RGS22: variants seen among roughly 807,000 people sequenced by gnomAD.
The protein encoded by RGS22 is regulator of G protein signaling 22, also known as regulator of G-protein signaling 22.
A neutral mutation model predicts 172.9 loss-of-function variants in RGS22; 148 were observed. The ratio of observed to expected loss-of-function variants is 0.86; its 90% CI spans 0.75 to 0.98. The LOEUF (loss-of-function observed/expected upper bound fraction) is 0.98. RGS22 is among the 50% of genes least tolerant of loss of function. RGS22 has a pLI of 0.00. For missense variants in RGS22, 1,347 were observed against 1,440.8 expected, an observed-to-expected ratio of 0.93 and a Z score of 1.05; for synonymous variants, 458 against 480.2, an observed-to-expected ratio of 0.95 and a Z score of 0.60.
chr8:99,997,866 A>C (rs1814558903), intron 19 of RGS22, among the ~76,000 whole-genome samples: 1 of 152,234 alleles, frequency 6.6e-6, no homozygotes, highest in Admixed American at 6.5e-5. Context: ...CATTCCCAGG[A>C]GGCAGATCTT....
chr8:100,022,921 G>A (rs1441915611), intron 14 of RGS22, among the ~76,000 whole-genome samples: 1 of 151,832 alleles, frequency 6.6e-6, no homozygotes, highest in Non-Finnish European at 1.5e-5. Context: ...GTAGAGATAG[G>A]GTTTTGTTAT....
At chr8:100,058,174 A>AC (rs1809802352) in intron 9 of RGS22, among the ~76,000 whole-genome samples, 1 of 102,664 alleles carries the variant, frequency 9.7e-6, no homozygotes, top group Non-Finnish European at 2.3e-5. Context: ...GAGGAGACAA[A>AC]AAAAAAAAAA....
chr8:100,097,271 T>C (rs1342296586), intron 2 of RGS22, among the ~76,000 whole-genome samples: 2 of 152,186 alleles, frequency 1.3e-5, no homozygotes, highest in Admixed American at 1.3e-4. Context: ...TCAAAATTCA[T>C]CAAATTATCA....
At chr8:100,001,202 T>TTATATATATATATATATATA (rs140189906) in intron 18 of RGS22, among the ~76,000 whole-genome samples, 2 of 124,778 alleles carry the variant, frequency 1.6e-5, no homozygotes, top group African/African-American at 3.1e-5. Context: ...TCCCAATTTT[T>TTATATATATATATATATATA]TATATATATA....
At chr8:100,103,315 G>C (rs1185774773) in intron 2 of RGS22, among the ~76,000 whole-genome samples, 1 of 152,206 alleles carries the variant, frequency 6.6e-6, no homozygotes, top group Non-Finnish European at 1.5e-5. Flanking sequence ...CAGACCCAGG[G>C]TGGGGGCCTG....
intron 14 of RGS22, chr8:100,023,842 C>T (rs1346753308): frequency 6.6e-6 from 1 of 152,284 alleles, no homozygotes; most frequent in African/African-American, 2.4e-5. Flanking sequence ...ATTTATTACA[C>T]ATTCATTTCC....
At chr8:100,078,329 C>T (rs528073777) in intron 4 of RGS22, among the ~76,000 whole-genome samples, 3 of 151,792 alleles carry the variant, frequency 2.0e-5, no homozygotes, top group Non-Finnish European at 4.4e-5. Context: ...GCCTCAAACT[C>T]CTGGGCTCAA....
At chr8:100,075,265 G>A (rs949129603) in intron 4 of RGS22, among the ~76,000 whole-genome samples, 67 of 152,128 alleles carry the variant, frequency 4.4e-4, no homozygotes, top group African/African-American at 1.5e-3. Flanking sequence ...GAATGTCTTG[G>A]TGTCCTCCTC....
chr8:100,079,656 A>G lies in RGS22; in HGVS notation c.339+478T>C, dbSNP rs1390697455. ...ACAGAGTCAGTAAGCAGAGGAGCCA[A>G]TATTAGAACCCAGGTTTTCCAACCT... On this transcript the variant is annotated intron_variant, in intron 4 of 27. Coordinates refer to ENST00000360863, the MANE Select transcript of RGS22 (RefSeq NM_015668.5). Among the ~76,000 whole-genome samples the G allele has an allele frequency of 2.0e-5, 3 of 152,174 alleles. No individual in the cohort carries two copies. In the East Asian group the frequency reaches 5.8e-4, roughly 29 times the overall value.
intron 3 of RGS22, among the ~76,000 whole-genome samples, chr8:100,089,182 T>C (rs934732333): frequency 6.7e-6 from 1 of 149,804 alleles, no homozygotes; most frequent in Admixed American, 6.6e-5. Context: ...ATATACATAA[T>C]AGAGATACAC....
chr8:99,976,255 A>G (rs751807109), intron 23 of RGS22, among the ~76,000 whole-genome samples: 60 of 152,346 alleles, frequency 3.9e-4, no homozygotes, highest in Non-Finnish European at 6.8e-4. Context: ...GACTGAACAG[A>G]CTAATACAAT....
chr8:99,967,517 T>C (rs1277338434), intron 23 of RGS22, among the ~76,000 whole-genome samples: 1 of 152,016 alleles, frequency 6.6e-6, no homozygotes, highest in Non-Finnish European at 1.5e-5. Context: ...AAGTCTGAAG[T>C]CAACCTGGGA....
At chr8:99,970,374 A>G (rs1194723774) in intron 23 of RGS22, among the ~76,000 whole-genome samples, 1 of 152,210 alleles carries the variant, frequency 6.6e-6, no homozygotes, top group African/African-American at 2.4e-5. Context: ...ATAAGAAATA[A>G]CTAAGATCAG....
chr8:100,033,022 A>G (rs1015341188), intron 14 of RGS22, among the ~76,000 whole-genome samples: 1 of 152,082 alleles, frequency 6.6e-6, no homozygotes, highest in Non-Finnish European at 1.5e-5. Context: ...AAAGCAGTGT[A>G]TAGAGGGAAA....
At position 99,979,258 on chromosome 8, in the gene RGS22, A is replaced by G. The variant is rs140700035; in HGVS notation, c.3361-1183T>C. 3.8e-3 allele frequency among the ~76,000 whole-genome samples: 576 copies of G among 152,252 alleles called. 4 individuals carry two copies. The highest frequency in any genetic ancestry group is 0.013 in the African/African-American group (552 of 41,542). On this transcript the variant is annotated intron_variant, in intron 22 of 27. Coordinates refer to ENST00000360863, the MANE Select transcript of RGS22 (RefSeq NM_015668.5). ...TCATACTTCTCAGTTATCTTTCTAA[A>G]ACCTGAGTCAGTCCCAGTTCTTGAA...
chr8:100,023,633 C>A (rs970353848), intron 14 of RGS22, among the ~76,000 whole-genome samples: 6 of 152,036 alleles, frequency 3.9e-5, no homozygotes, highest in African/African-American at 1.4e-4. Flanking sequence ...TAGGGCCTCA[C>A]CACGTTGTTC....
At chr8:99,966,746 T>C (rs1347736504) in intron 23 of RGS22, among the ~76,000 whole-genome samples, 2 of 152,222 alleles carry the variant, frequency 1.3e-5, no homozygotes, top group South Asian at 2.1e-4. Flanking sequence ...AGTTTCAATG[T>C]ATGAATTTTG....
At chr8:99,967,611 G>A (rs575466867) in intron 23 of RGS22, among the ~76,000 whole-genome samples, 7 of 152,166 alleles carry the variant, frequency 4.6e-5, no homozygotes, top group Admixed American at 2.6e-4. Flanking sequence ...TAAGTAAACC[G>A]CTGGGAAGTT....
At chr8:100,013,695 T>C (rs1816659178) in intron 14 of RGS22, among the ~76,000 whole-genome samples, 1 of 152,220 alleles carries the variant, frequency 6.6e-6, no homozygotes, top group Admixed American at 6.5e-5. Context: ...TTCCTCTCTC[T>C]GACCATACTT....
Sources: allele counts gnomAD v4.1 joint callset (sites outside exome capture counted in the v4.1 genomes callset), GRCh38; gene constraint gnomAD v4.1.1; transcripts MANE v1.5; gene names NCBI Gene and HGNC (gene_info 2026-07-23, HGNC 2026-07-21).